The following ITCH variants were observed in gnomAD, a reference collection of about 807,000 sequenced individuals.
ITCH encodes the protein E3 ubiquitin-protein ligase Itchy homolog.
Under a neutral mutation model 126.8 loss-of-function variants are expected in ITCH, and 28 were observed. The observed-to-expected ratio is 0.22, with a 90% CI of 0.16 to 0.30. The LOEUF is 0.30. ITCH is among the 10% of genes least tolerant of loss of function. The pLI is 1.00. For missense variants in ITCH, 631 were observed against 1,032.4 expected (o/e 0.61, Z 5.33); for synonymous variants, 342 against 340.0 (o/e 1.01, Z -0.06).
intron 24 of ITCH, among the ~76,000 whole-genome samples, chr20:34,504,919 T>C (rs57495888): frequency 0.16 from 24,266 of 152,238 alleles, 2,179 homozygotes; most frequent in South Asian, 0.35. Context: ...TTTGTTTTTA[T>C]ACATAATGTT....
chr20:34,438,147 G>A (rs1983255763), intron 7 of ITCH, among the ~76,000 whole-genome samples: 1 of 152,180 alleles, frequency 6.6e-6, no homozygotes, highest in Admixed American at 6.5e-5. Flanking sequence ...TAAGGATTTT[G>A]AGAACTTGAC....
intron 13 of ITCH, among the ~76,000 whole-genome samples, chr20:34,458,329 A>G (rs1253101454): frequency 2.0e-5 from 3 of 152,186 alleles, no homozygotes; most frequent in African/African-American, 7.2e-5. Flanking sequence ...TAATTTATTA[A>G]TAAAGAGATA....
At position 34,507,704 on chromosome 20, in the gene ITCH, C is replaced by T. The variant is rs1173606425; in HGVS notation, c.2499C>T (p.Arg833=). The change falls in exon 25 of 25, where the codon CGC becomes CGT. Residue 833 remains arginine (R), a synonymous_variant. Transcript: ENST00000374864. ...WLPRSHTCFN[R]LDLPPYKSYE... ...CAATTCTTGCTTTTAGTTTTAATCG[C>T]CTGGACCTGCCACCATACAAGAGCT... 6.2e-7 allele frequency: 1 copy of T among 1,613,538 alleles called. No homozygotes were observed. Among genetic ancestry groups the T allele is most frequent in the Non-Finnish European group, 8.5e-7 (1 of 1,179,632 alleles).
intron 23 of ITCH, among the ~76,000 whole-genome samples, chr20:34,500,547 A>T (rs946453533): frequency 5.3e-5 from 8 of 151,956 alleles, no homozygotes; most frequent in Non-Finnish European, 1.0e-4. Flanking sequence ...TTCAGTCTGT[A>T]TGTGTCTTTA....
chr20:34,407,357 C>G (rs560189296), intron 3 of ITCH, among the ~76,000 whole-genome samples: 28 of 152,272 alleles, frequency 1.8e-4, no homozygotes, highest in African/African-American at 6.5e-4. Flanking sequence ...ACCTCCACCT[C>G]CCGGGTTCAA....
chr20:34,380,883 G>A (rs2038035431), intron 2 of ITCH, among the ~76,000 whole-genome samples: 1 of 151,988 alleles, frequency 6.6e-6, no homozygotes, highest in African/African-American at 2.4e-5. Flanking sequence ...CACCTCCCGG[G>A]TTCAGGAGAT....
intron 3 of ITCH, among the ~76,000 whole-genome samples, chr20:34,407,832 T>C (rs932538228): frequency 6.6e-6 from 1 of 152,214 alleles, no homozygotes; most frequent in Non-Finnish European, 1.5e-5. Context: ...ATAAATACTT[T>C]AATTAGAATA....
At chr20:34,498,223 A>AT (rs1406271499) in intron 23 of ITCH, among the ~76,000 whole-genome samples, 1 of 152,030 alleles carries the variant, frequency 6.6e-6, no homozygotes, top group Non-Finnish European at 1.5e-5. Context: ...AGTTCCAATA[A>AT]TTTTTTATTG....
At chr20:34,407,530 A>G (rs1284969055) in intron 3 of ITCH, among the ~76,000 whole-genome samples, 1 of 152,154 alleles carries the variant, frequency 6.6e-6, no homozygotes, top group East Asian at 1.9e-4. Flanking sequence ...CAGTCTCCCA[A>G]AGTGCTGGGA....
chr20:34,464,372 C>G (rs1371949121), intron 14 of ITCH, among the ~76,000 whole-genome samples: 1 of 148,892 alleles, frequency 6.7e-6, no homozygotes, highest in Admixed American at 6.7e-5. Flanking sequence ...CTCTTTTTGC[C>G]CAGGAGTGCA....
chr20:34,480,328 G>A (rs1000530523), intron 18 of ITCH, among the ~76,000 whole-genome samples: 4 of 152,002 alleles, frequency 2.6e-5, no homozygotes, highest in African/African-American at 9.7e-5. Flanking sequence ...CTCCCGAGTA[G>A]CTGGGATTAC....
chr20:34,413,830 A>G lies in ITCH; in HGVS notation c.426A>G (p.Leu142=). The G allele has an allele frequency of 6.2e-7, 1 of 1,613,806 alleles. No individual in the cohort carries two copies. Among genetic ancestry groups the G allele is most frequent in the East Asian group, 2.2e-5 (1 of 44,862 alleles). Residue 142 remains leucine (L), a synonymous_variant, in exon 6 of 25, where the codon CTA becomes CTG. Coordinates refer to ENST00000374864, the MANE Select transcript of ITCH (RefSeq NM_031483.7). ...IGDLSICLDG[L]QLESEVVTNG... Reference sequence around the variant, plus strand: ...ACTTGTCAATTTGTCTTGATGGGCTACAGTTAGAGTCTGAAGTTGTTACCA... The same window carrying G: ...ACTTGTCAATTTGTCTTGATGGGCTGCAGTTAGAGTCTGAAGTTGTTACCA...
In ITCH at chr20:34,364,890, C is replaced by CAA. The variant is rs1234445956; in HGVS notation, c.-99+1561_-99+1562dup. On this transcript the variant is annotated intron_variant, in intron 1 of 24. Coordinates refer to ENST00000374864, the MANE Select transcript of ITCH (RefSeq NM_031483.7). ...TGGGCGACAGAGCGAGACTCCGCCT[C>CAA]AAAAAAAAAAAAAAAAAAAAAGCAA... Among the ~76,000 whole-genome samples, 287 of 42,420 alleles carry CAA rather than the reference C, an allele frequency of 6.8e-3. 3 individuals carry two copies. The highest frequency in any genetic ancestry group is 0.027 in the South Asian group (30 of 1,092). The allele number at this position is 42,420 out of a possible 152,430, so 27.8% of individuals were successfully genotyped here.
At chr20:34,373,296 GA>G (rs993448642) in intron 2 of ITCH, among the ~76,000 whole-genome samples, 2 of 115,578 alleles carry the variant, frequency 1.7e-5, no homozygotes, top group Non-Finnish European at 3.6e-5. Context: ...TTTTTTTTTT[GA>G]GGCAGAGTCT....
chr20:34,461,360 A>G (rs543112346), intron 13 of ITCH, among the ~76,000 whole-genome samples: 7 of 152,312 alleles, frequency 4.6e-5, no homozygotes, highest in Admixed American at 2.0e-4. Flanking sequence ...GTATCAGTAT[A>G]AGAGCAGGCC....
chr20:34,477,646 C>G lies in ITCH; in HGVS notation c.1570-126C>G, dbSNP rs111486789. The G allele has an allele frequency of 1.3e-3, 1,008 of 776,740 alleles. 6 individuals carry two copies. Among genetic ancestry groups the G allele is most frequent in the African/African-American group, 6.2e-3 (358 of 57,740 alleles). 48.1% of individuals were successfully genotyped at this position (776,740 alleles called of 1,614,324 possible). On this transcript the variant is annotated intron_variant, in intron 16 of 24. Transcript: ENST00000374864. ...TCTGTATGTGTGGTTTTGACTAGACCATGAACACCTTTCTGTGTCATGGGA... is the reference window on the plus strand; with the variant it reads ...TCTGTATGTGTGGTTTTGACTAGACGATGAACACCTTTCTGTGTCATGGGA...
intron 15 of ITCH, among the ~76,000 whole-genome samples, chr20:34,470,731 T>C (rs1313359657): frequency 1.3e-5 from 2 of 152,192 alleles, no homozygotes; most frequent in Non-Finnish European, 2.9e-5. Flanking sequence ...TAGCTGACAC[T>C]ACAGATGCAC....
In ITCH at chr20:34,449,424, T is replaced by A; in HGVS notation, c.1154T>A (p.Phe385Tyr). ...QRFIYGNQDL[F>Y]ATSQSKEFDP... Reference sequence around the variant, plus strand: ...GGTTCTTTTTAGAATCAAGATTTATTTGCTACATCACAAAGTAAAGAATTT... The same window carrying A: ...GGTTCTTTTTAGAATCAAGATTTATATGCTACATCACAAAGTAAAGAATTT... Residue 385 changes from phenylalanine to tyrosine, a missense_variant, in exon 12 of 25, where the codon TTT (phenylalanine) becomes TAT (tyrosine). Physicochemically the swap from Phe to Tyr is conservative, Grantham distance 22. Around this residue, in one of 4 missense-constraint regions of ITCH, gnomAD observed 390 missense variants for 731.6 expected, o/e 0.53. Transcript: ENST00000374864. 6.2e-7 allele frequency: 1 copy of A among 1,609,506 alleles called. No homozygotes were observed. The highest frequency in any genetic ancestry group is 8.5e-7 in the Non-Finnish European group (1 of 1,176,132).
chr20:34,384,467 G>T (rs1188991377), intron 2 of ITCH, among the ~76,000 whole-genome samples: 1 of 151,544 alleles, frequency 6.6e-6, no homozygotes, highest in Non-Finnish European at 1.5e-5. Flanking sequence ...TTTTAGTAGA[G>T]ACGGGGTTTG....
Sources: gnomAD v4.1 joint callset for allele counts (sites outside exome capture counted in the v4.1 genomes callset) on GRCh38, gnomAD v4.1.1 for gene constraint, gnomAD v4.1.1 regional missense constraint, MANE v1.5 for transcripts, NCBI Gene and HGNC (gene_info 2026-07-23, HGNC 2026-07-21) for gene names.